The following CCDC88A variants were observed in gnomAD, a reference collection of about 807,000 sequenced individuals.
CCDC88A encodes coiled-coil and HOOK domain protein 88A.
Under a neutral mutation model 234.3 loss-of-function variants are expected in CCDC88A, and 54 were observed. The observed-to-expected ratio is 0.23, with a 90% confidence interval of 0.19 to 0.29. The LOEUF (loss-of-function observed/expected upper bound fraction) is 0.29. Ranked by LOEUF, CCDC88A falls within the 10% of genes least tolerant of loss-of-function variation. The probability of loss-of-function intolerance (pLI) is 1.00; values close to 1 mark genes in which losing one functional copy is unlikely to be tolerated. For synonymous variants in CCDC88A, 753 were observed against 737.8 expected, an observed-to-expected ratio of 1.02 and a Z score of -0.33; for missense variants, 1,832 against 2,123.4, an observed-to-expected ratio of 0.86 and a Z score of 2.70.
At position 55,341,866 on chromosome 2, in the gene CCDC88A, G is replaced by C. The variant is rs1490582245; in HGVS notation, c.1333+1782C>G. 9.8e-4 allele frequency among the ~76,000 whole-genome samples: 149 copies of C among 152,106 alleles called. 1 individual carries two copies. The highest frequency in any genetic ancestry group is 3.8e-4 in the Non-Finnish European group (26 of 68,016). ...TATCTTGACATTTGTGAATAATGCT[G>C]CAACAAGCATGGGAATGCAGATATC... On this transcript the variant is annotated intron_variant, in intron 12 of 32. Transcript: ENST00000436346.
intron 28 of CCDC88A, 195 bp downstream of exon 28, chr2:55,301,011 A>G: frequency 1.9e-6 from 1 of 524,970 alleles, no homozygotes; most frequent in South Asian, 2.7e-5. Context: ...AACAGAGAAC[A>G]TTTAGATGAA....
intron 2 of CCDC88A, chr2:55,403,368 T>C (rs1201285137): frequency 6.6e-6 from 1 of 152,220 alleles, no homozygotes; most frequent in African/African-American, 2.4e-5. Flanking sequence ...GCCCACAGAA[T>C]GTTAAAAAGA....
chr2:55,385,852 CAAAAAAAAAAAAAAAA>C (rs56233901), intron 3 of CCDC88A, among the ~76,000 whole-genome samples: 2 of 62,462 alleles, frequency 3.2e-5, no homozygotes, highest in African/African-American at 1.3e-4. Flanking sequence ...AACTCCATGT[CAAAAAAAAAAAAAAAA>C]AAAAAAAAAA....
Position 55,339,639 on chromosome 2 carries a change from T to A in CCDC88A, c.1343A>T (p.Lys448Ile), listed in dbSNP as rs769244512. The A allele has an allele frequency of 1.2e-6, 2 of 1,602,916 alleles. No homozygotes were observed. The highest frequency in any genetic ancestry group is 1.4e-5 in the African/African-American group (1 of 74,024). Residue 448 changes from lysine to isoleucine, a missense_variant, in exon 13 of 33, where the codon AAA (lysine) becomes ATA (isoleucine). Lys to Ile is a moderately radical substitution (Grantham distance 102, BLOSUM62 -3). This residue lies in a region of CCDC88A where 1,282 missense variants were observed against 1,543.6 expected (regional missense o/e 0.83). Coordinates refer to ENST00000436346, the MANE Select transcript of CCDC88A (RefSeq NM_001365480.1). Reference protein sequence around the residue: ...RTSELSEAPQKSLGHEVNELT... With the variant: ...RTSELSEAPQISLGHEVNELT... ...CTCATTCACCTCATGGCCCAGGGATTTCTGGGGTGCTATAATATTGAAAAA... is the reference window on the plus strand; with the variant it reads ...CTCATTCACCTCATGGCCCAGGGATATCTGGGGTGCTATAATATTGAAAAA...
intron 29 of CCDC88A, 103 bp downstream of exon 29, chr2:55,299,736 G>C: frequency 1.4e-6 from 1 of 720,588 alleles, no homozygotes; most frequent in Non-Finnish European, 2.4e-6. Flanking sequence ...TCCAAACATA[G>C]ATGATTTGGA....
At chr2:55,409,865 C>A (rs894709323) in intron 2 of CCDC88A, among the ~76,000 whole-genome samples, 2 of 151,196 alleles carry the variant, frequency 1.3e-5, no homozygotes, top group African/African-American at 4.9e-5. Context: ...CTCAGCCTCC[C>A]GAGTAGCTGG....
chr2:55,376,063 A>G (rs990173960), intron 3 of CCDC88A, among the ~76,000 whole-genome samples: 8 of 152,038 alleles, frequency 5.3e-5, no homozygotes, highest in African/African-American at 1.9e-4. Flanking sequence ...GAAAGAACTG[A>G]ATTCTTTCTA....
intron 12 of CCDC88A, 54 bp from the exon 13 acceptor site, chr2:55,339,702 T>C: frequency 6.9e-7 from 1 of 1,456,900 alleles, no homozygotes; most frequent in Non-Finnish European, 9.2e-7. Context: ...TTTTACTATG[T>C]TTACTCTTTA....
chr2:55,315,975 A>G lies in CCDC88A; in HGVS notation c.3886T>C (p.Tyr1296His). 1.9e-6 allele frequency: 3 copies of G among 1,590,566 alleles called. No homozygotes were observed. In the South Asian group the frequency reaches 3.5e-5, roughly 18 times the overall value. The change falls in exon 22 of 33, where the codon TAC becomes CAC. Residue 1296 changes from tyrosine (Y) to histidine (H), a missense_variant. By Grantham distance (83) the Tyr-to-His change is moderately conservative. Coordinates refer to ENST00000436346, the MANE Select transcript of CCDC88A (RefSeq NM_001365480.1). ...GTTGATGTAATATCCAATTGTTGGTATTGTTCCTTTAGTTTTGAAAATTCA... is the reference window on the plus strand; with the variant it reads ...GTTGATGTAATATCCAATTGTTGGTGTTGTTCCTTTAGTTTTGAAAATTCA... ...EAEFSKLKEQYQQLDITSTKL... is the reference protein window; with the variant it reads ...EAEFSKLKEQHQQLDITSTKL...
chr2:55,378,340 G>C (rs1249808717), intron 3 of CCDC88A, among the ~76,000 whole-genome samples: 1 of 152,150 alleles, frequency 6.6e-6, no homozygotes, highest in African/African-American at 2.4e-5. Flanking sequence ...TCTATGTTTG[G>C]ATGATGCAAA....
chr2:55,363,855 G>C, intron 6 of CCDC88A, 95 bp downstream of exon 6: 1 of 614,044 alleles, frequency 1.6e-6, no homozygotes, highest in East Asian at 3.0e-5. Context: ...ATTTGTTCTT[G>C]CTTATTCTAT....
rs34218112 is a variant in CCDC88A at position 55,399,526 on chromosome 2, C to CAA, written c.165-10642_165-10641dup. On this transcript the variant is annotated intron_variant, in intron 2 of 32. Coordinates refer to ENST00000436346, the MANE Select transcript of CCDC88A (RefSeq NM_001365480.1). ...TGGGCGACAGAATGAGACTCTGTCT[C>CAA]AAAAAAAAAAAAAAAAAAGTGGCAC... is the stretch of plus-strand genomic sequence containing the variant. Among the ~76,000 whole-genome samples, 788 of 88,356 alleles carry CAA rather than the reference C, an allele frequency of 8.9e-3. 12 individuals are homozygous for CAA. The highest frequency in any genetic ancestry group is 0.04 in the East Asian group (146 of 3,674). 58.0% of individuals were successfully genotyped at this position (88,356 alleles called of 152,430 possible).
Position 55,335,254 on chromosome 2 carries a change from C to G in CCDC88A, c.1657-90G>C, listed in dbSNP as rs1685337626. The G allele has an allele frequency of 2.6e-6, 2 of 777,928 alleles. No homozygotes were observed. Among genetic ancestry groups the G allele is most frequent in the African/African-American group, 3.6e-5 (2 of 56,254 alleles). The allele number at this position is 777,928 out of a possible 1,614,324, so 48.2% of individuals were successfully genotyped here. On this transcript the variant is annotated intron_variant, in intron 14 of 32. Coordinates refer to ENST00000436346, the MANE Select transcript of CCDC88A (RefSeq NM_001365480.1). The surrounding 1 kb of genome is among the most constrained non-coding windows in gnomAD (Gnocchi z 4.5). The stretch of plus-strand genomic sequence containing the variant: ...CCAAAAACTACCAAGAAAAGGGGAA[C>G]AAAAAAAGGGTGCTAGAACATGTCT...
At chr2:55,308,659 C>A in intron 25 of CCDC88A, 150 bp downstream of exon 25, 1 of 622,898 alleles carries the variant, frequency 1.6e-6, no homozygotes, top group Non-Finnish European at 2.8e-6. Flanking sequence ...TGTGGCTGTA[C>A]ACTAATGCAG....
chr2:55,359,631 A>G (rs1671029756), intron 7 of CCDC88A, among the ~76,000 whole-genome samples: 1 of 150,540 alleles, frequency 6.6e-6, no homozygotes. Flanking sequence ...TATATGCTAT[A>G]GGAATATATA....
At position 55,328,342 on chromosome 2, in the gene CCDC88A, TA is replaced by T; in HGVS notation, c.2948del (p.Leu983Ter). ...GCTGGTTATAATTCGTGGATTCTTCTAATCGAGCTTCTAAAGCAGCAATTTT... is the reference window on the plus strand; with the variant it reads ...GCTGGTTATAATTCGTGGATTCTTCTATCGAGCTTCTAAAGCAGCAATTTT... The part of the protein sequence containing the change: ...EEKIAALEAR[L>X]EESTNYNQQL... On this transcript the variant is annotated frameshift_variant, in exon 17 of 33. Coordinates refer to ENST00000436346, the MANE Select transcript of CCDC88A (RefSeq NM_001365480.1). LOFTEE classifies it high-confidence loss of function. The surrounding 1 kb of genome is among the most constrained non-coding windows in gnomAD (Gnocchi z 4.3). 6.2e-7 allele frequency: 1 copy of T among 1,602,114 alleles called. No individual in the cohort carries two copies.
At chr2:55,391,663 A>C (rs932533651) in intron 2 of CCDC88A, among the ~76,000 whole-genome samples, 10 of 152,222 alleles carry the variant, frequency 6.6e-5, no homozygotes, top group African/African-American at 2.4e-4. Context: ...ATGGATTAGA[A>C]ACTGTATAGC....
rs1367804504 is a variant in CCDC88A at position 55,339,572 on chromosome 2, T to A, written c.1410A>T (p.Gln470His). 2 of 1,613,912 alleles carry A rather than the reference T, an allele frequency of 1.2e-6. No individual in the cohort carries two copies. The highest frequency in any genetic ancestry group is 2.7e-5 in the African/African-American group (2 of 74,934). Residue 470 changes from glutamine to histidine, a missense_variant, in exon 13 of 33, where the codon CAA becomes CAT. Gln to His is a conservative substitution (Grantham distance 24). This residue lies in a region of CCDC88A where 1,282 missense variants were observed against 1,543.6 expected (regional missense o/e 0.83). Transcript: ENST00000436346. ...GCTCTTCTACGGTTTTTGTCAAACT[T>A]TGATTTTCCATCTCTAGCTTCAATA... ...SRLLKLEMEN[Q>H]SLTKTVEELR... is the part of the protein sequence containing the mutation.
chr2:55,363,185 G>A (rs1207210525), intron 6 of CCDC88A, among the ~76,000 whole-genome samples: 1 of 151,894 alleles, frequency 6.6e-6, no homozygotes, highest in Non-Finnish European at 1.5e-5. Context: ...TATGCTTATT[G>A]TTGATAATAA....
Sources: gnomAD v4.1 joint callset for allele counts (sites outside exome capture counted in the v4.1 genomes callset) on GRCh38, gnomAD v4.1.1 for gene constraint, gnomAD v4.1.1 regional missense constraint, Gnocchi (gnomAD v3.1) non-coding constraint, MANE v1.5 for transcripts, NCBI Gene and HGNC (gene_info 2026-07-23, HGNC 2026-07-21) for gene names.